The following MAPRE3 variants were observed in gnomAD, a reference collection of about 807,000 sequenced individuals.
MAPRE3 encodes microtubule-associated protein RP/EB family member 3.
A neutral mutation model predicts 30.5 loss-of-function variants in MAPRE3; 2 were observed. That is an observed-to-expected ratio of 0.07 (90% CI 0.03 to 0.21). The LOEUF is 0.21. Ranked by LOEUF, MAPRE3 falls within the 10% of genes least tolerant of loss-of-function variation. The probability of loss-of-function intolerance (pLI) is 1.00; values close to 1 mark genes in which losing one functional copy is unlikely to be tolerated. For missense variants in MAPRE3, 204 were observed against 351.8 expected (o/e 0.58, Z 3.36); for synonymous variants, 110 against 127.7 (o/e 0.86, Z 0.93).
Position 26,985,331 on chromosome 2 carries a change from A to G in MAPRE3, c.-8+14529A>G, listed in dbSNP as rs1666196137. Among the ~76,000 whole-genome samples the G allele has an allele frequency of 6.6e-6, 1 of 152,176 alleles. No individual in the cohort carries two copies. The highest frequency in any genetic ancestry group is 2.1e-4 in the South Asian group (1 of 4,832). The stretch of plus-strand genomic sequence containing the variant: ...GATAATTCACAATATTCTCATTCCA[A>G]ATTCTGTTCTGTGCATCTCATTTCT... On this transcript the variant is annotated intron_variant, in intron 1 of 6. Transcript: ENST00000233121. The surrounding 1 kb of genome is among the most constrained non-coding windows in gnomAD (Gnocchi z 4.2).
At chr2:26,994,742 G>A (rs1666415470) in intron 1 of MAPRE3, among the ~76,000 whole-genome samples, 1 of 151,492 alleles carries the variant, frequency 6.6e-6, no homozygotes, top group Non-Finnish European at 1.5e-5. Context: ...CTCCTGATAG[G>A]TAATCCTGTC....
chr2:27,022,589 A>C (rs908444612), intron 2 of MAPRE3: 5 of 453,608 alleles, frequency 1.1e-5, no homozygotes, highest in Non-Finnish European at 2.0e-5. Flanking sequence ...GGCTAAAAAC[A>C]TGGACAGCAT....
chr2:27,025,413 T>G (rs1235931627), intron 4 of MAPRE3, among the ~76,000 whole-genome samples, 170 bp from the exon 5 acceptor site: 1 of 152,192 alleles, frequency 6.6e-6, no homozygotes, highest in Non-Finnish European at 1.5e-5. Context: ...AGTGTCCATG[T>G]GGCCAAGACT....
intron 6 of MAPRE3, 85 bp downstream of exon 6, chr2:27,026,117 G>GAGA: frequency 6.5e-7 from 1 of 1,539,234 alleles, no homozygotes; most frequent in Middle Eastern, 1.8e-4. Context: ...AGGGACCGTG[G>GAGA]AGAACATTTA....
chr2:27,010,718 C>G (rs1375049651), intron 1 of MAPRE3, among the ~76,000 whole-genome samples: 1 of 152,148 alleles, frequency 6.6e-6, no homozygotes, highest in African/African-American at 2.4e-5. Flanking sequence ...GCTGGGATTA[C>G]AGGCATGAGC....
chr2:27,009,805 A>T (rs1666808624), intron 1 of MAPRE3: 1 of 152,212 alleles, frequency 6.6e-6, no homozygotes, highest in East Asian at 1.9e-4. Flanking sequence ...TTCAAGACCC[A>T]GTTCAAACCA....
intron 1 of MAPRE3, among the ~76,000 whole-genome samples, chr2:27,008,845 G>A (rs1397204924): frequency 6.6e-6 from 1 of 152,158 alleles, no homozygotes; most frequent in East Asian, 1.9e-4. Context: ...CCATACGTGT[G>A]CCATTGTTTG....
intron 1 of MAPRE3, among the ~76,000 whole-genome samples, chr2:26,974,755 C>G (rs2148194709): frequency 6.6e-6 from 1 of 152,284 alleles, no homozygotes; most frequent in East Asian, 1.9e-4. Flanking sequence ...ATTTATAACC[C>G]TGGAATAATA....
chr2:27,023,184 G>A, intron 2 of MAPRE3, 148 bp from the exon 3 acceptor site: 1 of 737,732 alleles, frequency 1.4e-6, no homozygotes, highest in Non-Finnish European at 2.1e-6. Context: ...AAGCTGGGGG[G>A]ATTCTGGCCA....
intron 1 of MAPRE3, among the ~76,000 whole-genome samples, chr2:26,982,687 T>C (rs938772345): frequency 1.4e-4 from 21 of 152,376 alleles, no homozygotes; most frequent in African/African-American, 4.6e-4. Flanking sequence ...CCTTGGCCTA[T>C]AATTAGGTAG....
At position 27,026,423 on chromosome 2, in the gene MAPRE3, T is replaced by C; in HGVS notation, c.*75T>C. The C allele has an allele frequency of 7.7e-7, 1 of 1,294,386 alleles. No homozygotes were observed. The highest frequency in any genetic ancestry group is 1.1e-6 in the Non-Finnish European group (1 of 911,396). 80.2% of individuals were successfully genotyped at this position (1,294,386 alleles called of 1,614,324 possible). On this transcript the variant is annotated 3_prime_UTR_variant, in exon 7 of 7. Coordinates refer to ENST00000233121, the MANE Select transcript of MAPRE3 (RefSeq NM_012326.4). Reference sequence around the variant, plus strand: ...CTGCTCCACTCCCACATTATAGTCCTTTCCTAACACGGTCGGCCGGGTGCT... The same window carrying C: ...CTGCTCCACTCCCACATTATAGTCCCTTCCTAACACGGTCGGCCGGGTGCT...
intron 1 of MAPRE3, among the ~76,000 whole-genome samples, chr2:26,974,147 C>T (rs568964129): frequency 1.2e-4 from 19 of 152,292 alleles, no homozygotes; most frequent in African/African-American, 4.6e-4. Flanking sequence ...GATTAGATCT[C>T]CAGATTTCCA....
rs141100021 is a variant in MAPRE3, at chr2:26,998,963, G to A, written c.-7-23249G>A. 1.7e-3 allele frequency among the ~76,000 whole-genome samples: 255 copies of A among 152,328 alleles called. 1 individual carries two copies. Among genetic ancestry groups the A allele is most frequent in the African/African-American group, 5.9e-3 (247 of 41,576 alleles). On this transcript the variant is annotated intron_variant, in intron 1 of 6. Coordinates refer to ENST00000233121, the MANE Select transcript of MAPRE3 (RefSeq NM_012326.4). ...GCCTGTCACAGCACTTTGGAATCCT[G>A]ATTCTGTCAGCTAGTGCTCACAGAA...
intron 1 of MAPRE3, among the ~76,000 whole-genome samples, chr2:26,995,827 G>GTGTGTGTGTGTGTGTA (rs1292455933): frequency 2.7e-5 from 4 of 149,422 alleles, no homozygotes; most frequent in South Asian, 2.1e-4. Flanking sequence ...GTGTGTGTGT[G>GTGTGTGTGTGTGTGTA]TGTATGTGTG....
At chr2:26,981,067 G>C (rs927692550) in intron 1 of MAPRE3, among the ~76,000 whole-genome samples, 5 of 152,258 alleles carry the variant, frequency 3.3e-5, no homozygotes, top group East Asian at 1.9e-4. Flanking sequence ...TTGCTGAGGT[G>C]GGGGAGGGAG....
chr2:27,010,439 C>CTT (rs71401549), intron 1 of MAPRE3, among the ~76,000 whole-genome samples: 60,636 of 115,244 alleles, frequency 0.53, 16,795 homozygotes, highest in East Asian at 0.73. Flanking sequence ...ATCTGTATTT[C>CTT]TTTTTTTTTT....
rs139273861 is a variant in MAPRE3 at position 27,025,731 on chromosome 2, C to T, written c.618C>T (p.Asn206=). 250 of 1,614,180 alleles carry T rather than the reference C, an allele frequency of 1.5e-4. No individual in the cohort carries two copies. The Middle Eastern group carries it at 5.3e-3, about 34-fold the overall frequency. The change falls in exon 5 of 7, where the codon AAC becomes AAT. Residue 206 remains asparagine (N), a synonymous_variant. Coordinates refer to ENST00000233121, the MANE Select transcript of MAPRE3 (RefSeq NM_012326.4). ...HETDAQILEL[N]QQLVDLKLTV... ...CTGATGCCCAAATTCTTGAACTCAA[C>T]CAACAGGTGAGTGGGATGGGTAAGG...
chr2:26,978,049 G>T (rs769147545), intron 1 of MAPRE3, among the ~76,000 whole-genome samples: 2 of 152,184 alleles, frequency 1.3e-5, no homozygotes, highest in Non-Finnish European at 2.9e-5. Flanking sequence ...CCTAGATGGG[G>T]TGGAGGCCTT....
In MAPRE3 at chr2:26,986,516, C is replaced by T. The variant is rs1345772409; in HGVS notation, c.-8+15714C>T. 6.6e-6 allele frequency: 1 copy of T among 152,130 alleles called. No individual in the cohort carries two copies. The highest frequency in any genetic ancestry group is 1.5e-5 in the Non-Finnish European group (1 of 68,038). The allele number at this position is 152,130 out of a possible 1,614,324, so 9.4% of individuals were successfully genotyped here. ...TGGTATCCATGGAATGTATTACCTG[C>T]ACAGGTTCTCTCAGGCAGAAAACAT... On this transcript the variant is annotated intron_variant, in intron 1 of 6. Coordinates refer to ENST00000233121, the MANE Select transcript of MAPRE3 (RefSeq NM_012326.4). The surrounding 1 kb of genome is among the most constrained non-coding windows in gnomAD (Gnocchi z 4.2).
Sources: gnomAD v4.1 joint callset for allele counts (sites outside exome capture counted in the v4.1 genomes callset) on GRCh38, gnomAD v4.1.1 for gene constraint, Gnocchi (gnomAD v3.1) non-coding constraint, MANE v1.5 for transcripts, NCBI Gene and HGNC (gene_info 2026-07-23, HGNC 2026-07-21) for gene names.